The following GLI2 variants were observed in gnomAD, a reference collection of about 807,000 sequenced individuals.
GLI2 encodes transcription activator GLI2.
Under a neutral mutation model 78.9 loss-of-function variants are expected in GLI2, and 22 were observed. That is an observed-to-expected ratio of 0.28 (90% CI 0.20 to 0.40). The LOEUF is 0.40. GLI2 is among the 10% of genes least tolerant of loss of function. GLI2 has a pLI of 1.00. For missense variants in GLI2, 2,097 were observed against 2,213.2 expected (o/e 0.95, Z 1.05); for synonymous variants, 974 against 963.7 (o/e 1.01, Z -0.20).
intron 2 of GLI2, among the ~76,000 whole-genome samples, chr2:120,814,801 C>G (rs924151968): frequency 7.2e-6 from 1 of 137,948 alleles, no homozygotes; most frequent in Non-Finnish European, 1.6e-5. Flanking sequence ...CCCGCCCCCG[C>G]TGCATTGGTC....
chr2:120,753,117 CAG>C (rs1682927644), intron 1 of GLI2, among the ~76,000 whole-genome samples: 1 of 115,354 alleles, frequency 8.7e-6, no homozygotes, highest in Non-Finnish European at 1.6e-5. Flanking sequence ...TTTTTTGAGA[CAG>C]AGTCTCGCTC....
At chr2:120,892,011 G>T (rs950725642) in intron 2 of GLI2, among the ~76,000 whole-genome samples, 4 of 150,128 alleles carry the variant, frequency 2.7e-5, no homozygotes, top group Non-Finnish European at 5.9e-5. Flanking sequence ...GTGACCTCCT[G>T]CTTGGCTCTG....
chr2:120,809,689 C>A (rs1309278500), intron 2 of GLI2, among the ~76,000 whole-genome samples: 1 of 152,216 alleles, frequency 6.6e-6, no homozygotes, highest in Admixed American at 6.5e-5. Flanking sequence ...ACCGCTACCC[C>A]TCAGGGAGGA....
chr2:120,795,719 C>T (rs1684357054), intron 1 of GLI2, among the ~76,000 whole-genome samples: 1 of 152,024 alleles, frequency 6.6e-6, no homozygotes, highest in African/African-American at 2.4e-5. Context: ...AGGTGTCCAG[C>T]CAAAAATGCC....
intron 2 of GLI2, among the ~76,000 whole-genome samples, chr2:120,843,476 GA>G (rs1686975321): frequency 6.6e-6 from 1 of 152,220 alleles, no homozygotes; most frequent in Non-Finnish European, 1.5e-5. Context: ...AACCTCAAAT[GA>G]GATTACAAGG....
At chr2:120,972,157 G>A in intron 8 of GLI2, 94 bp downstream of exon 8, 1 of 1,408,264 alleles carries the variant, frequency 7.1e-7, no homozygotes, top group Non-Finnish European at 1.0e-6. Flanking sequence ...CGGATGGCTG[G>A]CTGGCTGCCT....
chr2:120,877,066 T>G (rs1170522855), intron 2 of GLI2, among the ~76,000 whole-genome samples: 2 of 152,154 alleles, frequency 1.3e-5, no homozygotes, highest in Non-Finnish European at 2.9e-5. Context: ...CGGCCTTGGG[T>G]CAGCCGGTGA....
intron 1 of GLI2, among the ~76,000 whole-genome samples, chr2:120,783,882 C>T (rs1334351041): frequency 6.6e-6 from 1 of 152,240 alleles, no homozygotes; most frequent in Non-Finnish European, 1.5e-5. Context: ...AAAGAAGTGA[C>T]TGTCCAGTGG....
At chr2:120,813,344 G>T (rs1685346267) in intron 2 of GLI2, among the ~76,000 whole-genome samples, 1 of 152,228 alleles carries the variant, frequency 6.6e-6, no homozygotes, top group Non-Finnish European at 1.5e-5. Flanking sequence ...CCCGGAGGAG[G>T]TGGGGGATGG....
intron 2 of GLI2, among the ~76,000 whole-genome samples, chr2:120,925,839 G>A (rs1466112987): frequency 2.0e-5 from 3 of 152,090 alleles, no homozygotes; most frequent in Admixed American, 6.5e-5. Context: ...TTGGGAGGCC[G>A]AGGCGGGCGG....
intron 3 of GLI2, among the ~76,000 whole-genome samples, chr2:120,942,006 C>A (rs1680471581): frequency 6.6e-6 from 1 of 152,184 alleles, no homozygotes. Flanking sequence ...ACCCTGCCAG[C>A]CTGCCTCAAA....
chr2:120,989,159 C>G lies in GLI2; in HGVS notation c.3194C>G (p.Thr1065Ser). The G allele has an allele frequency of 6.2e-7, 1 of 1,613,134 alleles. No homozygotes were observed. Among genetic ancestry groups the G allele is most frequent in the South Asian group, 1.1e-5 (1 of 91,092 alleles). The change falls in exon 14 of 14, where the codon ACC becomes AGC. Residue 1065 changes from threonine to serine, a missense_variant. Transcript: ENST00000361492. Reference sequence around the variant, plus strand: ...GCCAGTGGCGCTCTGGACGAGGGCACCGGGCAGGTGTATCCCACGGAAAGC... The same window carrying G: ...GCCAGTGGCGCTCTGGACGAGGGCAGCGGGCAGGTGTATCCCACGGAAAGC... The part of the protein sequence containing the change: ...AHASGALDEG[T>S]GQVYPTESTG...
Position 120,977,959 on chromosome 2 carries a change from T to C in GLI2, c.1318-475T>C, listed in dbSNP as rs72837370. Among the ~76,000 whole-genome samples the C allele has an allele frequency of 8.9e-3, 1,354 of 152,278 alleles. 10 individuals are homozygous for C. The highest frequency in any genetic ancestry group is 0.015 in the Non-Finnish European group (1,037 of 68,008). ...TGTTATTTACAAACCTCTGAAACAATAGGGGCAAGCTTAGGAGAGGCTTCT... is the reference window on the plus strand; with the variant it reads ...TGTTATTTACAAACCTCTGAAACAACAGGGGCAAGCTTAGGAGAGGCTTCT... On this transcript the variant is annotated intron_variant, in intron 9 of 13. Coordinates refer to ENST00000361492, the MANE Select transcript of GLI2 (RefSeq NM_001374353.1).
intron 1 of GLI2, among the ~76,000 whole-genome samples, chr2:120,775,777 A>G (rs2104663510): frequency 6.6e-6 from 1 of 152,202 alleles, no homozygotes; most frequent in South Asian, 2.1e-4. Context: ...GAGCTTCCTC[A>G]CCTATAAGGT....
chr2:120,933,059 G>T (rs2104889506), intron 3 of GLI2, among the ~76,000 whole-genome samples: 1 of 152,302 alleles, frequency 6.6e-6, no homozygotes, highest in Non-Finnish European at 1.5e-5. Flanking sequence ...GAACTGTGGT[G>T]AGAGGACCTG....
chr2:120,907,288 C>G (rs1316944918), intron 2 of GLI2, among the ~76,000 whole-genome samples: 3 of 152,170 alleles, frequency 2.0e-5, no homozygotes, highest in African/African-American at 7.2e-5. Context: ...TCCTTGAGAC[C>G]TGGCCCAGCA....
intron 2 of GLI2, among the ~76,000 whole-genome samples, chr2:120,847,351 TA>T (rs1687168454): frequency 6.6e-6 from 1 of 152,106 alleles, no homozygotes; most frequent in African/African-American, 2.4e-5. Flanking sequence ...AACACATTAG[TA>T]AAATATAATT....
chr2:120,791,201 A>G (rs1684144802), intron 1 of GLI2, among the ~76,000 whole-genome samples: 1 of 152,134 alleles, frequency 6.6e-6, no homozygotes, highest in Non-Finnish European at 1.5e-5. Flanking sequence ...GTCCTGGGGA[A>G]CCCTTACGTT....
At position 120,824,312 on chromosome 2, in the gene GLI2, T is replaced by C. The variant is rs1295344110; in HGVS notation, c.148+26844T>C. Among the ~76,000 whole-genome samples the C allele has an allele frequency of 3.3e-5, 5 of 152,342 alleles. No individual in the cohort carries two copies. The East Asian group carries it at 9.7e-4, about 29-fold the overall frequency. ...AACAAATTTACTCGCTGTGTTGACCTTGACTGTTACGAGTTTGCCCCTTGG... is the reference window on the plus strand; with the variant it reads ...AACAAATTTACTCGCTGTGTTGACCCTGACTGTTACGAGTTTGCCCCTTGG... On this transcript the variant is annotated intron_variant, in intron 2 of 13. Transcript: ENST00000361492.
Sources: gnomAD v4.1 joint callset for allele counts (sites outside exome capture counted in the v4.1 genomes callset) on GRCh38, gnomAD v4.1.1 for gene constraint, MANE v1.5 for transcripts, NCBI Gene and HGNC (gene_info 2026-07-23, HGNC 2026-07-21) for gene names.